GALNT13: variants seen among roughly 807,000 people sequenced by gnomAD.
GALNT13 encodes UDP-GalNAc:polypeptide N-acetylgalactosaminyltransferase 13.
In GALNT13, 28 loss-of-function variants were observed where a neutral mutation model predicts 64.2. That is an observed-to-expected ratio of 0.44 (90% CI 0.32 to 0.60). The LOEUF (loss-of-function observed/expected upper bound fraction) is 0.60, where lower values mean the gene tolerates loss of function less well. GALNT13 is among the 20% of genes least tolerant of loss of function. The probability of loss-of-function intolerance (pLI) is 0.05; values close to 1 mark genes in which losing one functional copy is unlikely to be tolerated. For missense variants in GALNT13, 577 were observed against 669.8 expected (o/e 0.86, Z 1.53); for synonymous variants, 214 against 224.6 (o/e 0.95, Z 0.42).
chr2:153,792,292 A>AAAAAAAT, the GALNT13 span, among the ~76,000 whole-genome samples: 1 of 145,404 alleles, frequency 6.9e-6, no homozygotes, highest in Non-Finnish European at 1.5e-5. Flanking sequence ...GAAAATGTAC[A>AAAAAAAT]GACTTTTTTT....
At chr2:153,593,260 T>TCGGTTTG in the GALNT13 span, 14 of 152,284 alleles carry the variant, frequency 9.2e-5, no homozygotes, top group African/African-American at 3.1e-4. Flanking sequence ...GACCAGCCCT[T>TCGGTTTG]CGGTTTGCGG....
At chr2:154,094,356 A>G (rs958035424) in intron 3 of GALNT13, among the ~76,000 whole-genome samples, 3 of 151,976 alleles carry the variant, frequency 2.0e-5, no homozygotes, top group African/African-American at 4.8e-5. Flanking sequence ...GCAATGCTAT[A>G]CAGATTCAAC....
At chr2:153,124,583 G>A in the GALNT13 span, among the ~76,000 whole-genome samples, 2 of 152,130 alleles carry the variant, frequency 1.3e-5, no homozygotes, top group African/African-American at 4.8e-5. Context: ...TCAGCTCACT[G>A]CAACCTCCAC....
At chr2:154,349,329 A>G (rs553777019) in intron 9 of GALNT13, among the ~76,000 whole-genome samples, 1 of 152,384 alleles carries the variant, frequency 6.6e-6, no homozygotes, top group East Asian at 1.9e-4. Flanking sequence ...CTGGTTTACA[A>G]GAAAATTGCA....
At chr2:153,537,015 T>A in the GALNT13 span, among the ~76,000 whole-genome samples, 1 of 152,184 alleles carries the variant, frequency 6.6e-6, no homozygotes, top group Non-Finnish European at 1.5e-5. Context: ...GAGAACTTCT[T>A]ATTGGAGGTG....
intron 4 of GALNT13, among the ~76,000 whole-genome samples, chr2:154,208,619 CGTGTCT>C (rs1371450733): frequency 2.6e-4 from 29 of 112,784 alleles, no homozygotes; most frequent in African/African-American, 9.4e-4. Flanking sequence ...TCACGTTTTG[CGTGTCT>C]GTGTGTGTGT....
At chr2:153,209,150 T>G in the GALNT13 span, among the ~76,000 whole-genome samples, 1 of 151,640 alleles carries the variant, frequency 6.6e-6, no homozygotes, top group Admixed American at 6.6e-5. Context: ...GCTAATTTTT[T>G]GTATTATTTT....
the GALNT13 span, among the ~76,000 whole-genome samples, chr2:153,865,392 A>T: frequency 3.5e-5 from 5 of 140,928 alleles, no homozygotes; most frequent in Non-Finnish European, 7.7e-5. Flanking sequence ...AATGGGAGAA[A>T]ATTTTCGCAG....
intron 3 of GALNT13, among the ~76,000 whole-genome samples, chr2:154,019,830 T>C (rs1574343530): frequency 6.6e-6 from 1 of 152,100 alleles, no homozygotes. Flanking sequence ...TAGGTATATC[T>C]CCTAATGCTA....
the GALNT13 span, among the ~76,000 whole-genome samples, chr2:153,493,913 T>C: frequency 2.6e-5 from 4 of 151,968 alleles, no homozygotes; most frequent in African/African-American, 9.7e-5. Context: ...GATTAGGAAA[T>C]TTATTTAAAA....
At chr2:153,936,525 T>G (rs1346964300) in intron 2 of GALNT13, among the ~76,000 whole-genome samples, 1 of 152,078 alleles carries the variant, frequency 6.6e-6, no homozygotes, top group Non-Finnish European at 1.5e-5. Context: ...ACAGCAGCCC[T>G]GTAGCCTGAA....
the GALNT13 span, among the ~76,000 whole-genome samples, chr2:153,418,783 G>T: frequency 6.6e-6 from 1 of 152,020 alleles, no homozygotes; most frequent in Non-Finnish European, 1.5e-5. Flanking sequence ...GCTTGACCCC[G>T]GGAGGCAGAG....
the GALNT13 span, among the ~76,000 whole-genome samples, chr2:153,123,822 G>A: frequency 6.6e-6 from 1 of 152,280 alleles, no homozygotes; most frequent in East Asian, 1.9e-4. Context: ...TGTTCAAAGT[G>A]TAGTAAGCAG....
chr2:153,320,085 C>T, the GALNT13 span, among the ~76,000 whole-genome samples: 1 of 152,152 alleles, frequency 6.6e-6, no homozygotes, highest in African/African-American at 2.4e-5. Context: ...TCAATGAAAT[C>T]AGATTTCATG....
At chr2:154,008,011 A>G (rs1230229093) in intron 3 of GALNT13, among the ~76,000 whole-genome samples, 1 of 152,060 alleles carries the variant, frequency 6.6e-6, no homozygotes, top group Non-Finnish European at 1.5e-5. Context: ...CATGGTTATC[A>G]AATTTTAGTA....
intron 9 of GALNT13, among the ~76,000 whole-genome samples, chr2:154,322,519 T>C (rs1694678934): frequency 6.6e-6 from 1 of 152,110 alleles, no homozygotes; most frequent in Non-Finnish European, 1.5e-5. Context: ...AAACTACATA[T>C]CAGTGGCAGC....
chr2:153,494,724 T>C, the GALNT13 span, among the ~76,000 whole-genome samples: 2 of 152,028 alleles, frequency 1.3e-5, no homozygotes, highest in African/African-American at 2.4e-5. Context: ...AAGGAAAGTA[T>C]AAGTAATCCA....
the GALNT13 span, among the ~76,000 whole-genome samples, chr2:153,753,182 C>G: frequency 6.6e-6 from 1 of 152,100 alleles, no homozygotes; most frequent in Non-Finnish European, 1.5e-5. Context: ...TTCCTCAACA[C>G]AAGTATCTTG....
the GALNT13 span, among the ~76,000 whole-genome samples, chr2:153,119,887 C>T: frequency 6.6e-5 from 10 of 152,268 alleles, no homozygotes; most frequent in East Asian, 1.9e-3. Flanking sequence ...TTTCTGGCTT[C>T]CCTTCCCTAC....
Sources: allele counts gnomAD v4.1 joint callset (sites outside exome capture counted in the v4.1 genomes callset), GRCh38; gene constraint gnomAD v4.1.1; transcripts MANE v1.5; gene names NCBI Gene and HGNC (gene_info 2026-07-23, HGNC 2026-07-21).